C1orf146: variants seen among roughly 807,000 people sequenced by gnomAD.
The protein encoded by C1orf146 is chromosome 1 open reading frame 146.
In C1orf146, 22 loss-of-function variants were observed where a neutral mutation model predicts 23.0. The ratio of observed to expected loss-of-function variants is 0.96; its 90% CI spans 0.68 to 1.36. The LOEUF (loss-of-function observed/expected upper bound fraction) is 1.36, where lower values mean the gene tolerates loss of function less well. C1orf146 is among the 40% of genes most tolerant of loss of function. The pLI is 0.00. For missense variants in C1orf146, 199 were observed against 206.8 expected (o/e 0.96, Z 0.23); for synonymous variants, 59 against 65.3 (o/e 0.90, Z 0.47).
intron 2 of C1orf146, among the ~76,000 whole-genome samples, chr1:92,232,041 C>T (rs1652135936): frequency 1.3e-5 from 2 of 152,064 alleles, no homozygotes; most frequent in South Asian, 2.1e-4. Flanking sequence ...TCCATAGTAA[C>T]GTGTGGTTTT....
At chr1:92,236,625 C>T (rs1652283380) in intron 2 of C1orf146, among the ~76,000 whole-genome samples, 1 of 152,032 alleles carries the variant, frequency 6.6e-6, no homozygotes, top group Non-Finnish European at 1.5e-5. Context: ...TTGTGGCGTT[C>T]TCTGTATTTC....
chr1:92,238,153 T>C (rs1182353135), intron 2 of C1orf146, among the ~76,000 whole-genome samples: 2 of 152,160 alleles, frequency 1.3e-5, no homozygotes, highest in Non-Finnish European at 2.9e-5. Context: ...GGTCTCGAAC[T>C]CCGATCCCTG....
chr1:92,237,804 T>C (rs1388782170), intron 2 of C1orf146, among the ~76,000 whole-genome samples: 1 of 152,242 alleles, frequency 6.6e-6, no homozygotes, highest in Non-Finnish European at 1.5e-5. Flanking sequence ...TTTATGAAAT[T>C]TACATTTCTG....
intron 2 of C1orf146, among the ~76,000 whole-genome samples, chr1:92,235,463 T>C (rs1449080335): frequency 6.6e-6 from 1 of 152,120 alleles, no homozygotes; most frequent in Non-Finnish European, 1.5e-5. Flanking sequence ...GATTGCACTG[T>C]GGTCTGAGAG....
chr1:92,221,717 T>G (rs1651821825), intron 1 of C1orf146, among the ~76,000 whole-genome samples: 1 of 152,228 alleles, frequency 6.6e-6, no homozygotes, highest in Non-Finnish European at 1.5e-5. Flanking sequence ...TTAGTTTTGC[T>G]TTCTTTGCTT....
intron 1 of C1orf146, among the ~76,000 whole-genome samples, chr1:92,230,297 G>A (rs546821505): frequency 2.0e-5 from 3 of 147,266 alleles, no homozygotes; most frequent in South Asian, 2.2e-4. Flanking sequence ...ACCTGCCCCC[G>A]ATCTCCACAA....
At chr1:92,243,956 G>GAA (rs35711025) in intron 3 of C1orf146, among the ~76,000 whole-genome samples, 7 of 137,322 alleles carry the variant, frequency 5.1e-5, no homozygotes, top group African/African-American at 1.1e-4. Context: ...CTTCATCTAG[G>GAA]AAAAAAAAAA....
chr1:92,224,397 T>C (rs1651915417), intron 1 of C1orf146, among the ~76,000 whole-genome samples: 1 of 152,170 alleles, frequency 6.6e-6, no homozygotes, highest in Non-Finnish European at 1.5e-5. Context: ...ATTTGTTTTC[T>C]TTTATGGATT....
chr1:92,223,829 G>A (rs1437620029), intron 1 of C1orf146, among the ~76,000 whole-genome samples: 1 of 149,956 alleles, frequency 6.7e-6, no homozygotes, highest in Non-Finnish European at 1.5e-5. Context: ...CCACCATGCC[G>A]AGCCCAAGCC....
Position 92,217,997 on chromosome 1 carries a change from C to T in C1orf146, c.-91C>T, listed in dbSNP as rs1236782661. 1 of 152,296 alleles carries T rather than the reference C, an allele frequency of 6.6e-6. No homozygotes were observed. Among genetic ancestry groups the T allele is most frequent in the Non-Finnish European group, 1.5e-5 (1 of 68,106 alleles). 9.4% of individuals were successfully genotyped at this position (152,296 alleles called of 1,614,324 possible). On this transcript the variant is annotated 5_prime_UTR_variant, in exon 1 of 6. In the 5' UTR this introduces an upstream ATG that the reference lacks. Coordinates refer to ENST00000370375, the MANE Select transcript of C1orf146 (RefSeq NM_001012425.2). The stretch of plus-strand genomic sequence containing the variant: ...GCGGCGCCTCTCACTGCTCACGGAA[C>T]GTTCTGGAAGTTTGGGAAACCCTGA...
chr1:92,241,554 G>A (rs4617457), intron 2 of C1orf146, among the ~76,000 whole-genome samples: 15,772 of 152,082 alleles, frequency 0.1, 2,351 homozygotes, highest in African/African-American at 0.34. Flanking sequence ...CAGTGGCACA[G>A]TCTCAGCTCA....
intron 1 of C1orf146, among the ~76,000 whole-genome samples, chr1:92,223,769 A>G (rs1651894191): frequency 6.6e-6 from 1 of 151,990 alleles, no homozygotes; most frequent in Non-Finnish European, 1.5e-5. Context: ...CCTAGCCTCA[A>G]GTGATCCACA....
chr1:92,240,022 C>T (rs1269358955), intron 2 of C1orf146, among the ~76,000 whole-genome samples: 1 of 152,196 alleles, frequency 6.6e-6, no homozygotes, highest in African/African-American at 2.4e-5. Context: ...AATAGTCACT[C>T]AGATCATTTT....
At chr1:92,238,925 T>C (rs867113183) in intron 2 of C1orf146, among the ~76,000 whole-genome samples, 3 of 152,148 alleles carry the variant, frequency 2.0e-5, no homozygotes, top group African/African-American at 4.8e-5. Flanking sequence ...TTTTTTGTTA[T>C]ATTTTTTGTT....
intron 2 of C1orf146, among the ~76,000 whole-genome samples, chr1:92,233,256 G>A (rs933075880): frequency 1.3e-5 from 2 of 151,886 alleles, no homozygotes; most frequent in African/African-American, 4.8e-5. Flanking sequence ...TAACGTTTAA[G>A]TCTTTAATCC....
chr1:92,231,819 A>G (rs1652129651), intron 2 of C1orf146, among the ~76,000 whole-genome samples: 1 of 152,140 alleles, frequency 6.6e-6, no homozygotes, highest in South Asian at 2.1e-4. Flanking sequence ...GAGCTAAAGA[A>G]CCAGAAACTG....
At chr1:92,227,157 C>T (rs1469304838) in intron 1 of C1orf146, among the ~76,000 whole-genome samples, 1 of 151,882 alleles carries the variant, frequency 6.6e-6, no homozygotes, top group Admixed American at 6.6e-5. Context: ...TTAGAGTTAC[C>T]CACATATTTA....
chr1:92,228,917 G>A (rs548245407), intron 1 of C1orf146: 10 of 421,294 alleles, frequency 2.4e-5, no homozygotes, highest in South Asian at 1.9e-4. Flanking sequence ...TTCCAGATTC[G>A]TGAGGCTAGC....
rs775722574 is a variant in C1orf146, at chr1:92,244,293, A to AT, written c.240dup (p.Ile81TyrfsTer2). On this transcript the variant is annotated frameshift_variant, in exon 4 of 6. Coordinates refer to ENST00000370375, the MANE Select transcript of C1orf146 (RefSeq NM_001012425.2). LOFTEE classifies it high-confidence loss of function. ...AAATATTTCTAGCCAAAATTGAGAA[A>AT]TTTATTAACATTCACCAAAATAGTT... The AT allele has an allele frequency of 9.3e-6, 15 of 1,610,990 alleles. No homozygotes were observed. The highest frequency in any genetic ancestry group is 1.3e-5 in the Non-Finnish European group (15 of 1,177,572).
Sources: gnomAD v4.1 joint callset for allele counts (sites outside exome capture counted in the v4.1 genomes callset) on GRCh38, gnomAD v4.1.1 for gene constraint, MANE v1.5 for transcripts, NCBI Gene and HGNC (gene_info 2026-07-23, HGNC 2026-07-21) for gene names.